NDUFAF6: variants seen among roughly 807,000 people sequenced by gnomAD.
NDUFAF6 encodes the protein NADH dehydrogenase (ubiquinone) complex I, assembly factor 6.
Under a neutral mutation model 40.8 loss-of-function variants are expected in NDUFAF6, and 45 were observed. The observed-to-expected ratio is 1.10, with a 90% CI of 0.87 to 1.42. NDUFAF6 has a LOEUF of 1.42. Ranked by LOEUF, NDUFAF6 falls within the 40% of genes most tolerant of loss-of-function variation. The pLI, the probability that NDUFAF6 is intolerant of heterozygous loss-of-function variation, is 0.00. For missense variants in NDUFAF6, 435 were observed against 418.5 expected (o/e 1.04, Z -0.34); for synonymous variants, 185 against 155.9 (o/e 1.19, Z -1.39).
intron 1 of NDUFAF6, among the ~76,000 whole-genome samples, chr8:94,917,110 CAAAAAAAAAAAA>C (rs35834003): frequency 2.2e-5 from 2 of 89,578 alleles, no homozygotes; most frequent in Non-Finnish European, 4.4e-5. Context: ...GACTCCATCT[CAAAAAAAAAAAA>C]AAAAAAGAAA....
intron 1 of NDUFAF6, among the ~76,000 whole-genome samples, chr8:94,903,009 A>G (rs1017613076): frequency 1.3e-5 from 2 of 152,016 alleles, no homozygotes; most frequent in African/African-American, 4.8e-5. Flanking sequence ...GCCTGTATTC[A>G]TTTCTTTTGA....
chr8:94,945,686 G>A (rs1317164730), intron 2 of NDUFAF6: 4 of 152,170 alleles, frequency 2.6e-5, no homozygotes, highest in Non-Finnish European at 4.4e-5. Context: ...CACAATGCTA[G>A]GGCAATCATA....
chr8:95,077,364 A>G (rs763901570), downstream of NDUFAF6, among the ~76,000 whole-genome samples: 22 of 152,166 alleles, frequency 1.4e-4, no homozygotes, highest in Non-Finnish European at 2.8e-4. Context: ...CTTCCAATGG[A>G]TGCCTGAAAC....
rs760333438 is a variant in NDUFAF6, at chr8:95,005,526, A to AATATATATATATATATATATAT, written c.-84+24559_-84+24580dup. Among the ~76,000 whole-genome samples the AATATATATATATATATATATAT allele has an allele frequency of 6.2e-3, 45 of 7,226 alleles. 1 individual carries two copies. Among genetic ancestry groups the AATATATATATATATATATATAT allele is most frequent in the African/African-American group, 0.033 (43 of 1,322 alleles). 4.7% of individuals were successfully genotyped at this position (7,226 alleles called of 152,430 possible). ...CCTCAGGGGAGGACTGGTCCTTTTAAATATATATATATATATATATATATA... is the reference window on the plus strand; with the variant it reads ...CCTCAGGGGAGGACTGGTCCTTTTAAATATATATATATATATATATATATATATATATATATATATATATATA... On this transcript the variant is annotated intron_variant, in intron 2 of 9. Coordinates refer to the NDUFAF6 transcript ENST00000396111.
chr8:95,036,185 T>C, intron 3 of NDUFAF6: 1 of 716,194 alleles, frequency 1.4e-6, no homozygotes, highest in Non-Finnish European at 1.9e-6. Flanking sequence ...GTAAAGCAGC[T>C]GTATGGATCC....
At chr8:94,914,794 G>A (rs1373142946) in intron 1 of NDUFAF6, among the ~76,000 whole-genome samples, 1 of 151,348 alleles carries the variant, frequency 6.6e-6, no homozygotes, top group Non-Finnish European at 1.5e-5. Flanking sequence ...ATGCGCACCT[G>A]TAATCCCAGC....
At chr8:94,973,708 CAAA>C (rs34298876) in intron 1 of NDUFAF6, among the ~76,000 whole-genome samples, 16 of 126,518 alleles carry the variant, frequency 1.3e-4, no homozygotes, top group Admixed American at 1.6e-4. Flanking sequence ...GACTCTGTCT[CAAA>C]AAAAAAAAAA....
At chr8:94,964,645 C>T (rs1372492109) in intron 1 of NDUFAF6, among the ~76,000 whole-genome samples, 1 of 151,960 alleles carries the variant, frequency 6.6e-6, no homozygotes, top group Non-Finnish European at 1.5e-5. Flanking sequence ...GAAGGAGGTG[C>T]CAGCTTCCTT....
chr8:94,966,098 C>CG (rs1464640990), intron 1 of NDUFAF6, among the ~76,000 whole-genome samples: 1 of 152,094 alleles, frequency 6.6e-6, no homozygotes, highest in Non-Finnish European at 1.5e-5. Context: ...ACTCAAGACT[C>CG]TGAGTCTGGA....
downstream of NDUFAF6, among the ~76,000 whole-genome samples, chr8:95,061,335 C>G (rs765798134): frequency 7.2e-5 from 11 of 152,168 alleles, no homozygotes; most frequent in Non-Finnish European, 1.2e-4. Context: ...ATAAATTGGA[C>G]TTTTCTGAAG....
At chr8:95,057,740 AG>A in intron 8 of NDUFAF6, 68 bp from the exon 9 acceptor site, 3 of 1,128,072 alleles carry the variant, frequency 2.7e-6, no homozygotes, top group Non-Finnish European at 3.9e-6. Context: ...ATTATTCTTT[AG>A]TTAGTTTTTT....
At chr8:95,005,814 C>A (rs1292949345) in intron 2 of NDUFAF6, among the ~76,000 whole-genome samples, 1 of 151,890 alleles carries the variant, frequency 6.6e-6, no homozygotes, top group Non-Finnish European at 1.5e-5. Flanking sequence ...TCCACCCCAA[C>A]TGGACAGCTG....
chr8:95,081,345 G>A (rs1039187255), intron 2 of NDUFAF6, among the ~76,000 whole-genome samples: 1 of 151,562 alleles, frequency 6.6e-6, no homozygotes, highest in Non-Finnish European at 1.5e-5. Flanking sequence ...AATTTTTGTA[G>A]TCTTAGCAGA....
Position 95,035,578 on chromosome 8 carries a change from T to TG in NDUFAF6, c.420+2_420+3insG, listed in dbSNP as rs1829405956. 1.5e-6 allele frequency: 2 copies of TG among 1,367,916 alleles called. No homozygotes were observed. Among genetic ancestry groups the TG allele is most frequent in the African/African-American group, 2.9e-5 (2 of 68,938 alleles). The allele number at this position is 1,367,916 out of a possible 1,614,324, so 84.7% of individuals were successfully genotyped here. On this transcript the variant is annotated splice_region_variant and intron_variant, in intron 3 of 8. Transcript: ENST00000396124. ...CCTGTGGCCATTGAACTATGGAAGGTAAAAAAAAAAAAATACCACTTTTAA... is the reference window on the plus strand; with the variant it reads ...CCTGTGGCCATTGAACTATGGAAGGTGAAAAAAAAAAAAATACCACTTTTAA...
intron 1 of NDUFAF6, among the ~76,000 whole-genome samples, chr8:94,970,043 TGAG>T (rs1236114946): frequency 5.3e-5 from 8 of 151,530 alleles, no homozygotes; most frequent in Middle Eastern, 3.4e-3. Flanking sequence ...GATCACGAGG[TGAG>T]GAGATCAGGA....
At chr8:95,057,250 G>A (rs536324374) in intron 8 of NDUFAF6, among the ~76,000 whole-genome samples, 1 of 152,284 alleles carries the variant, frequency 6.6e-6, no homozygotes, top group Non-Finnish European at 1.5e-5. Context: ...GCACATCGTT[G>A]GTGTTTTCTA....
At chr8:95,101,582 A>T (rs1170048872) in intron 2 of NDUFAF6, among the ~76,000 whole-genome samples, 2 of 152,284 alleles carry the variant, frequency 1.3e-5, no homozygotes, top group African/African-American at 4.8e-5. Context: ...TCATCATATG[A>T]CAAATTATAT....
chr8:94,978,029 A>T (rs1167745125), intron 1 of NDUFAF6, among the ~76,000 whole-genome samples: 2 of 152,092 alleles, frequency 1.3e-5, no homozygotes, highest in East Asian at 3.9e-4. Flanking sequence ...CCTGACAAAG[A>T]GCTCCTAAAT....
chr8:94,931,399 C>T (rs1195925627), intron 1 of NDUFAF6, among the ~76,000 whole-genome samples: 1 of 151,984 alleles, frequency 6.6e-6, no homozygotes, highest in African/African-American at 2.4e-5. Flanking sequence ...TCTTGAATAA[C>T]ACAATCTTAA....
Sources: allele counts gnomAD v4.1 joint callset (sites outside exome capture counted in the v4.1 genomes callset), GRCh38; gene constraint gnomAD v4.1.1; transcripts MANE v1.5; gene names NCBI Gene and HGNC (gene_info 2026-07-23, HGNC 2026-07-21).